USP45: variants seen among roughly 807,000 people sequenced by gnomAD.
USP45 encodes ubiquitin carboxyl-terminal hydrolase 45.
USP45 carries 89 observed loss-of-function variants against 95.8 expected under a neutral mutation model. The ratio of observed to expected loss-of-function variants is 0.93; its 90% CI spans 0.78 to 1.11. USP45 has a LOEUF of 1.11. Ranked by LOEUF, USP45 falls within the 50% of genes least tolerant of loss-of-function variation. The pLI is 0.00. For missense variants in USP45, 898 were observed against 942.5 expected (o/e 0.95, Z 0.62); for synonymous variants, 281 against 316.2 (o/e 0.89, Z 1.18).
intron 5 of USP45, among the ~76,000 whole-genome samples, chr6:99,498,465 T>C (rs1398537959): frequency 6.6e-6 from 1 of 152,040 alleles, no homozygotes; most frequent in Non-Finnish European, 1.5e-5. Flanking sequence ...CAAAAAAGTG[T>C]GTTATTAGAT....
chr6:99,503,636 CATA>C, intron 5 of USP45, 126 bp downstream of exon 5: 1 of 651,732 alleles, frequency 1.5e-6, no homozygotes. Context: ...AGCCGATACT[CATA>C]ATATCTTTAT....
In USP45 at chr6:99,465,092, T is replaced by A; in HGVS notation, c.1152A>T (p.Ile384=). 1 of 1,599,394 alleles carries A rather than the reference T, an allele frequency of 6.3e-7. No homozygotes were observed. The highest frequency in any genetic ancestry group is 1.3e-5 in the African/African-American group (1 of 74,778). The change falls in exon 12 of 18, where the codon ATA becomes ATT. Residue 384 remains isoleucine, a synonymous_variant. Coordinates refer to ENST00000500704, the MANE Select transcript of USP45 (RefSeq NM_001346022.3). Reference sequence around the variant, plus strand: ...TTCTTCTCCTTACCCTTTCTTCTATTATAGGAAGTGAAATATCAATGAATG... The same window carrying A: ...TTCTTCTCCTTACCCTTTCTTCTATAATAGGAAGTGAAATATCAATGAATG... The part of the protein sequence containing the change: ...KDPFIDISLP[I]IEERVSKPLL...
chr6:99,464,826 T>C, intron 12 of USP45, 79 bp from the exon 13 acceptor site: 1 of 1,409,858 alleles, frequency 7.1e-7, no homozygotes, highest in Admixed American at 2.5e-5. Flanking sequence ...AATTTTTGAC[T>C]GACTTGAAAT....
chr6:99,484,733 A>G (rs1358531399), intron 7 of USP45, among the ~76,000 whole-genome samples: 1 of 151,636 alleles, frequency 6.6e-6, no homozygotes, highest in African/African-American at 2.4e-5. Context: ...CCAGGCTGCA[A>G]TGAGCCATGA....
At chr6:99,480,272 A>G (rs1179122168) in intron 8 of USP45, among the ~76,000 whole-genome samples, 2 of 152,210 alleles carry the variant, frequency 1.3e-5, no homozygotes, top group Non-Finnish European at 2.9e-5. Context: ...AACTGGTAAG[A>G]TATCATACAT....
At position 99,512,887 on chromosome 6, in the gene USP45, G is replaced by C. The variant is rs553120793; in HGVS notation, c.-11+2505C>G. On this transcript the variant is annotated intron_variant, in intron 1 of 17. Transcript: ENST00000500704. ...AATTTAAGTATCCCCTTCTCTGACA[G>C]CAACTTCCCAGTTCTTCCAACTTGC... Among the ~76,000 whole-genome samples the C allele has an allele frequency of 6.7e-4, 102 of 152,186 alleles. 1 individual carries two copies. Among genetic ancestry groups the C allele is most frequent in the African/African-American group, 2.3e-3 (97 of 41,524 alleles).
At chr6:99,506,019 A>G (rs796824529) in intron 4 of USP45, among the ~76,000 whole-genome samples, 17 of 152,310 alleles carry the variant, frequency 1.1e-4, no homozygotes, top group African/African-American at 4.1e-4. Context: ...CATTCTCCCC[A>G]GTACTACTAC....
In USP45 at chr6:99,471,403, A is replaced by G. The variant is rs888348652; in HGVS notation, c.934-2785T>C. On this transcript the variant is annotated intron_variant, in intron 9 of 17. Transcript: ENST00000500704. The stretch of plus-strand genomic sequence containing the variant: ...TACTTTAAAAACAAGAATGAAAATA[A>G]TGTACAGTTTTAGCTGAGATATTCT... 7.2e-5 allele frequency among the ~76,000 whole-genome samples: 11 copies of G among 152,274 alleles called. No individual in the cohort carries two copies. In the South Asian group the frequency reaches 1.0e-3, roughly 14 times the overall value.
At chr6:99,472,356 C>CCTGAGT (rs1789637579) in intron 9 of USP45, among the ~76,000 whole-genome samples, 1 of 151,872 alleles carries the variant, frequency 6.6e-6, no homozygotes, top group Non-Finnish European at 1.5e-5. Flanking sequence ...GCCAGGATTA[C>CCTGAGT]AGACACGCAT....
At position 99,448,057 on chromosome 6, in the gene USP45, A is replaced by G. The variant is rs1012990502; in HGVS notation, c.1309-1594T>C. ...CCCATCTGTCAGTCACCATCATCAA[A>G]GACCAAAGGTAGATAAAACCACAAA... On this transcript the variant is annotated intron_variant, in intron 13 of 17. Transcript: ENST00000500704. Among the ~76,000 whole-genome samples, 44 of 152,344 alleles carry G rather than the reference A, an allele frequency of 2.9e-4. 1 individual carries two copies. The highest frequency in any genetic ancestry group is 5.1e-4 in the Non-Finnish European group (35 of 68,034).
At chr6:99,503,070 C>A (rs1017382319) in intron 5 of USP45, among the ~76,000 whole-genome samples, 2 of 152,170 alleles carry the variant, frequency 1.3e-5, no homozygotes, top group Admixed American at 6.5e-5. Context: ...TTTTTACATG[C>A]ACTATTGCTA....
At chr6:99,461,707 G>C in intron 13 of USP45, 1 of 985,050 alleles carries the variant, frequency 1.0e-6, no homozygotes, top group Non-Finnish European at 1.2e-6. Flanking sequence ...AACAGAAAAG[G>C]TAAAAAACTC....
In USP45 at chr6:99,444,480, A is replaced by G. The variant is rs760441027; in HGVS notation, c.1976-818T>C. Among the ~76,000 whole-genome samples, 4 of 152,306 alleles carry G rather than the reference A, an allele frequency of 2.6e-5. No homozygotes were observed. In the South Asian group the frequency reaches 6.2e-4, roughly 24 times the overall value. On this transcript the variant is annotated intron_variant, in intron 14 of 17. Transcript: ENST00000500704. ...TAACATTGGAGGGACAACCCCTCCCAGGGCTAATTCCTAGAGATAGTAAAC... is the reference window on the plus strand; with the variant it reads ...TAACATTGGAGGGACAACCCCTCCCGGGGCTAATTCCTAGAGATAGTAAAC...
chr6:99,454,056 A>G (rs926656485), intron 13 of USP45, among the ~76,000 whole-genome samples: 8 of 152,340 alleles, frequency 5.3e-5, no homozygotes, highest in African/African-American at 1.7e-4. Flanking sequence ...GAAGCCTCAC[A>G]CTACCTGACT....
chr6:99,454,949 G>A (rs911580116), intron 13 of USP45, among the ~76,000 whole-genome samples: 13 of 151,960 alleles, frequency 8.6e-5, no homozygotes, highest in Non-Finnish European at 1.9e-4. Flanking sequence ...AATAAGCCCG[G>A]TGTGATGGCA....
rs1165726823 is a variant in USP45, at chr6:99,446,342, T to A, written c.1430A>T (p.Asn477Ile). ...GCTTTCATTCAGACGTGACTCAGAATTCATGAGGCTGGCAAACATTAAAGA... is the reference window on the plus strand; with the variant it reads ...GCTTTCATTCAGACGTGACTCAGAAATCATGAGGCTGGCAAACATTAAAGA... ...GDSLMFASLM[N>I]SESRLNESPT... The change falls in exon 14 of 18, where the codon AAT becomes ATT. Residue 477 changes from asparagine (N) to isoleucine (I), a missense_variant. Coordinates refer to ENST00000500704, the MANE Select transcript of USP45 (RefSeq NM_001346022.3). The A allele has an allele frequency of 6.2e-7, 1 of 1,614,118 alleles. No individual in the cohort carries two copies. The highest frequency in any genetic ancestry group is 8.5e-7 in the Non-Finnish European group (1 of 1,180,042).
chr6:99,449,532 G>T (rs1404534345), intron 13 of USP45, among the ~76,000 whole-genome samples: 4 of 152,000 alleles, frequency 2.6e-5, no homozygotes, highest in African/African-American at 4.8e-5. Context: ...CATTCATAAA[G>T]CAAGTCCCCA....
chr6:99,486,640 A>T (rs924023063), intron 7 of USP45, among the ~76,000 whole-genome samples: 1 of 149,674 alleles, frequency 6.7e-6, no homozygotes, highest in Non-Finnish European at 1.5e-5. Context: ...TATATATAAC[A>T]GTATGTTATA....
At chr6:99,496,522 T>C (rs147099887) in intron 5 of USP45, among the ~76,000 whole-genome samples, 59 of 152,316 alleles carry the variant, frequency 3.9e-4, no homozygotes, top group African/African-American at 1.3e-3. Flanking sequence ...TGTCTTCTCT[T>C]TAACCTTGTT....
Sources: gnomAD v4.1 joint callset for allele counts (sites outside exome capture counted in the v4.1 genomes callset) on GRCh38, gnomAD v4.1.1 for gene constraint, MANE v1.5 for transcripts, NCBI Gene and HGNC (gene_info 2026-07-23, HGNC 2026-07-21) for gene names.